Variants in NCOA2 observed in about 807,000 individuals in gnomAD.
NCOA2 encodes class E basic helix-loop-helix protein 75.
NCOA2 carries 21 observed loss-of-function variants against 145.1 expected under a neutral mutation model. The ratio of observed to expected loss-of-function variants is 0.14; its 90% CI spans 0.10 to 0.21. The LOEUF is 0.21. Ranked by LOEUF, NCOA2 falls within the 10% of genes least tolerant of loss-of-function variation. The pLI is 1.00. For missense variants in NCOA2, 1,472 were observed against 1,837.6 expected (o/e 0.80, Z 3.64); for synonymous variants, 619 against 637.5 (o/e 0.97, Z 0.44).
intron 1 of NCOA2, among the ~76,000 whole-genome samples, chr8:70,313,929 G>T (rs536032099): frequency 1.3e-5 from 2 of 152,148 alleles, no homozygotes; most frequent in Non-Finnish European, 2.9e-5. Context: ...CCAGCACTTT[G>T]GGAGGCTGAG....
At chr8:70,315,290 C>T (rs1352658434) in intron 1 of NCOA2, among the ~76,000 whole-genome samples, 1 of 151,918 alleles carries the variant, frequency 6.6e-6, no homozygotes, top group Non-Finnish European at 1.5e-5. Context: ...ATTTCATTTC[C>T]AGCAAAAACA....
Position 70,214,090 on chromosome 8 carries a change from C to T in NCOA2, c.87-15G>A, listed in dbSNP as rs751652748. ...TCCTTTTGGGGCTTAAAAGAAGAAA[C>T]ACATTTTTATGATGTATTTGAAAAA... On this transcript the variant is annotated splice_polypyrimidine_tract_variant and intron_variant, in intron 3 of 22. Transcript: ENST00000452400. 6.3e-7 allele frequency: 1 copy of T among 1,586,290 alleles called. No individual in the cohort carries two copies. Among genetic ancestry groups the T allele is most frequent in the South Asian group, 1.2e-5 (1 of 84,846 alleles).
intron 2 of NCOA2, among the ~76,000 whole-genome samples, chr8:70,233,231 A>G (rs1821307990): frequency 6.6e-6 from 1 of 152,176 alleles, no homozygotes; most frequent in South Asian, 2.1e-4. Context: ...GTTTAAAAAA[A>G]AAAAGATAAT....
At chr8:70,237,036 T>C (rs1290195772) in intron 2 of NCOA2, among the ~76,000 whole-genome samples, 1 of 152,186 alleles carries the variant, frequency 6.6e-6, no homozygotes, top group Non-Finnish European at 1.5e-5. Context: ...TCCTAGGCCC[T>C]TATTAGAATG....
At chr8:70,380,150 C>T (rs1812061272) in intron 1 of NCOA2, among the ~76,000 whole-genome samples, 1 of 152,082 alleles carries the variant, frequency 6.6e-6, no homozygotes, top group African/African-American at 2.4e-5. Flanking sequence ...TCAGTAATGC[C>T]ATAAGTCAAC....
chr8:70,213,430 C>A (rs936252662), intron 4 of NCOA2, among the ~76,000 whole-genome samples: 6 of 152,170 alleles, frequency 3.9e-5, no homozygotes, highest in African/African-American at 1.4e-4. Context: ...ACTTTCAAAT[C>A]TCTTGTCATT....
chr8:70,415,174 T>A, the NCOA2 span, among the ~76,000 whole-genome samples: 2 of 151,968 alleles, frequency 1.3e-5, no homozygotes, highest in South Asian at 2.1e-4. Flanking sequence ...CTGAGTTTTT[T>A]ATTTTTTTTT....
rs201107082 is a variant in NCOA2 at position 70,287,932 on chromosome 8, C to CTTGT, written c.-20+8808_-20+8811dup. 4.1e-3 allele frequency among the ~76,000 whole-genome samples: 617 copies of CTTGT among 152,142 alleles called. 4 individuals are homozygous for CTTGT. The highest frequency in any genetic ancestry group is 7.2e-3 in the Non-Finnish European group (491 of 67,994). ...CTTTTTTGGCTTTCTCCGTCTTTTGCTTGTTTGTTTGTTTGTTTTAAGAGA... is the reference window on the plus strand; with the variant it reads ...CTTTTTTGGCTTTCTCCGTCTTTTGCTTGTTTGTTTGTTTGTTTGTTTTAAGAGA... On this transcript the variant is annotated intron_variant, in intron 2 of 22. Coordinates refer to ENST00000452400, the MANE Select transcript of NCOA2 (RefSeq NM_006540.4).
At chr8:70,187,507 T>C (rs1816207005) in intron 4 of NCOA2, among the ~76,000 whole-genome samples, 1 of 152,162 alleles carries the variant, frequency 6.6e-6, no homozygotes, top group Non-Finnish European at 1.5e-5. Context: ...AGTCTAACAA[T>C]TTTCCAGTAG....
chr8:70,354,643 A>C (rs1406179644), intron 1 of NCOA2, among the ~76,000 whole-genome samples: 2 of 152,232 alleles, frequency 1.3e-5, no homozygotes, highest in African/African-American at 2.4e-5. Context: ...ATATGTTTCT[A>C]ATCTCCAAGT....
intron 1 of NCOA2, among the ~76,000 whole-genome samples, chr8:70,335,148 A>ATT (rs1563775958): frequency 1.0e-4 from 15 of 149,838 alleles, no homozygotes; most frequent in Non-Finnish European, 2.2e-4. Flanking sequence ...AAAAAAAAAA[A>ATT]AAAAAGATCT....
At chr8:70,440,921 C>T in the NCOA2 span, among the ~76,000 whole-genome samples, 3 of 137,436 alleles carry the variant, frequency 2.2e-5, no homozygotes, top group African/African-American at 8.3e-5. Context: ...TTAACAGGGT[C>T]GTGGTCACAG....
the NCOA2 span, among the ~76,000 whole-genome samples, chr8:70,444,264 T>C: frequency 6.6e-6 from 1 of 152,220 alleles, no homozygotes; most frequent in African/African-American, 2.4e-5. Flanking sequence ...TATTGTACGA[T>C]TCCATTTATA....
the NCOA2 span, among the ~76,000 whole-genome samples, chr8:70,446,187 A>G: frequency 6.6e-6 from 1 of 152,184 alleles, no homozygotes; most frequent in Non-Finnish European, 1.5e-5. Context: ...TCTGCTCCTC[A>G]TGCCCAAAGC....
intron 1 of NCOA2, among the ~76,000 whole-genome samples, chr8:70,328,687 T>C (rs1217730756): frequency 1.3e-5 from 2 of 152,180 alleles, no homozygotes; most frequent in African/African-American, 2.4e-5. Context: ...ACAGAATACA[T>C]TTTTCACATT....
chr8:70,325,686 A>C (rs889866909), intron 1 of NCOA2, among the ~76,000 whole-genome samples: 4 of 152,194 alleles, frequency 2.6e-5, no homozygotes, highest in African/African-American at 9.7e-5. Context: ...TACAGGCGTG[A>C]GCTATCGTGC....
intron 22 of NCOA2, among the ~76,000 whole-genome samples, chr8:70,116,872 G>A (rs1016706099): frequency 5.3e-5 from 8 of 152,162 alleles, no homozygotes; most frequent in African/African-American, 1.9e-4. Context: ...TGAGCAAGAT[G>A]GTAACAGAGA....
At chr8:70,316,929 G>C (rs1242515375) in intron 1 of NCOA2, among the ~76,000 whole-genome samples, 1 of 152,098 alleles carries the variant, frequency 6.6e-6, no homozygotes, top group Non-Finnish European at 1.5e-5. Context: ...CTCTTTTAAA[G>C]TCCCCTGTCT....
At chr8:70,403,238 T>A (rs1814532753) in intron 1 of NCOA2, among the ~76,000 whole-genome samples, 2 of 151,126 alleles carry the variant, frequency 1.3e-5, no homozygotes, top group South Asian at 4.1e-4. Flanking sequence ...GGTTAGAGCC[T>A]CGGTCTCCGC....
Sources: allele counts gnomAD v4.1 joint callset (sites outside exome capture counted in the v4.1 genomes callset), GRCh38; gene constraint gnomAD v4.1.1; transcripts MANE v1.5; gene names NCBI Gene and HGNC (gene_info 2026-07-23, HGNC 2026-07-21).